Variants in UBE3D observed in about 807,000 individuals in gnomAD.
UBE3D encodes the protein E3 ubiquitin-protein ligase E3D.
A neutral mutation model predicts 49.6 loss-of-function variants in UBE3D; 48 were observed. The ratio of observed to expected loss-of-function variants is 0.97; its 90% CI spans 0.77 to 1.23. UBE3D has a LOEUF of 1.23. Ranked by LOEUF, UBE3D falls within the 50% of genes most tolerant of loss-of-function variation. The pLI is 0.00. For synonymous variants in UBE3D, 189 were observed against 174.2 expected, an observed-to-expected ratio of 1.08 and a Z score of -0.67; for missense variants, 452 against 468.4, an observed-to-expected ratio of 0.96 and a Z score of 0.32.
At chr6:82,931,969 G>T (rs1246297856) in intron 9 of UBE3D, among the ~76,000 whole-genome samples, 2 of 152,102 alleles carry the variant, frequency 1.3e-5, no homozygotes, top group African/African-American at 4.8e-5. Flanking sequence ...TCATGGGGGT[G>T]ATTACCCTCA....
intron 9 of UBE3D, among the ~76,000 whole-genome samples, chr6:82,912,716 GT>G (rs1321718564): frequency 6.6e-6 from 1 of 152,194 alleles, no homozygotes; most frequent in East Asian, 1.9e-4. Context: ...TGCAAAATTA[GT>G]TCATTTAAAC....
intron 9 of UBE3D, among the ~76,000 whole-genome samples, chr6:82,897,226 G>T (rs1337996970): frequency 6.6e-6 from 1 of 151,980 alleles, no homozygotes; most frequent in Non-Finnish European, 1.5e-5. Flanking sequence ...TCAAAGTTAT[G>T]ATCTGAAACA....
intron 1 of UBE3D, among the ~76,000 whole-genome samples, chr6:83,063,567 G>C (rs1408721307): frequency 6.6e-6 from 1 of 151,858 alleles, no homozygotes; most frequent in Middle Eastern, 3.2e-3. Context: ...ATCTGATTAT[G>C]GGCAAAAAAA....
chr6:82,904,095 G>A (rs1043218187), intron 9 of UBE3D, among the ~76,000 whole-genome samples: 6 of 152,152 alleles, frequency 3.9e-5, no homozygotes, highest in Non-Finnish European at 7.3e-5. Context: ...GCAGAAAGGT[G>A]AATTCTAATT....
intron 8 of UBE3D, among the ~76,000 whole-genome samples, chr6:83,014,065 T>C (rs1419324927): frequency 6.6e-6 from 1 of 152,264 alleles, no homozygotes; most frequent in Non-Finnish European, 1.5e-5. Flanking sequence ...AATCAATGAC[T>C]GCATACCAAG....
intron 2 of UBE3D, among the ~76,000 whole-genome samples, chr6:83,055,554 C>T (rs1441585647): frequency 6.6e-6 from 1 of 152,150 alleles, no homozygotes; most frequent in African/African-American, 2.4e-5. Flanking sequence ...AAACACTACC[C>T]TCTGCTGGCC....
chr6:83,030,561 G>A (rs999488694), intron 5 of UBE3D, among the ~76,000 whole-genome samples: 1 of 152,150 alleles, frequency 6.6e-6, no homozygotes, highest in African/African-American at 2.4e-5. Flanking sequence ...TCTCAGGTGT[G>A]TCTTTATTAG....
intron 9 of UBE3D, 37 bp from the exon 10 acceptor site, chr6:82,893,079 T>C: frequency 3.1e-6 from 5 of 1,612,082 alleles, no homozygotes; most frequent in Non-Finnish European, 4.2e-6. Context: ...GCTTTACTTC[T>C]ATAATATGAC....
chr6:82,942,666 T>C (rs1775098750), intron 9 of UBE3D, among the ~76,000 whole-genome samples: 1 of 152,210 alleles, frequency 6.6e-6, no homozygotes, highest in Non-Finnish European at 1.5e-5. Context: ...CCTGGTGGCT[T>C]ACATGTGGTA....
intron 9 of UBE3D, among the ~76,000 whole-genome samples, chr6:82,945,242 C>A (rs538032097): frequency 6.6e-6 from 1 of 152,074 alleles, no homozygotes; most frequent in Non-Finnish European, 1.5e-5. Context: ...CACCTCAGCC[C>A]CAGGTGGCTC....
chr6:83,015,147 T>C (rs1157883950), intron 8 of UBE3D, among the ~76,000 whole-genome samples: 1 of 152,166 alleles, frequency 6.6e-6, no homozygotes, highest in Non-Finnish European at 1.5e-5. Context: ...TTCCCACTGT[T>C]AGATCTGATA....
chr6:82,898,617 A>G (rs926739533), intron 9 of UBE3D, among the ~76,000 whole-genome samples: 9 of 151,846 alleles, frequency 5.9e-5, no homozygotes, highest in Non-Finnish European at 1.2e-4. Flanking sequence ...CATAAGTGGG[A>G]GCTGAACAAT....
chr6:82,882,416 A>T, the UBE3D span, among the ~76,000 whole-genome samples: 1 of 152,210 alleles, frequency 6.6e-6, no homozygotes, highest in East Asian at 1.9e-4. Context: ...TTTTGTGGAC[A>T]ATTGAATACT....
chr6:83,017,951 T>G (rs987676703), intron 8 of UBE3D: 1 of 151,996 alleles, frequency 6.6e-6, no homozygotes, highest in Non-Finnish European at 1.5e-5. Flanking sequence ...ATGGGCTTTT[T>G]TTAAGTGTAA....
intron 8 of UBE3D, among the ~76,000 whole-genome samples, chr6:82,990,877 T>C (rs1161498538): frequency 6.6e-6 from 1 of 152,114 alleles, no homozygotes; most frequent in Non-Finnish European, 1.5e-5. Context: ...GAACTTGGGG[T>C]CCTTTTTTCA....
downstream of UBE3D, among the ~76,000 whole-genome samples, chr6:82,888,205 T>C (rs1460507999): frequency 6.6e-6 from 1 of 151,894 alleles, no homozygotes; most frequent in African/African-American, 2.4e-5. Context: ...CCTGTTTTCC[T>C]TGAGTTTAGG....
chr6:82,970,381 A>G (rs1389084246), intron 8 of UBE3D, among the ~76,000 whole-genome samples: 3 of 152,102 alleles, frequency 2.0e-5, no homozygotes, highest in Admixed American at 2.0e-4. Context: ...AATAAAAAAA[A>G]TTTTAAATCA....
At chr6:83,048,881 A>C (rs990979685) in intron 3 of UBE3D, among the ~76,000 whole-genome samples, 1 of 152,192 alleles carries the variant, frequency 6.6e-6, no homozygotes, top group Admixed American at 6.5e-5. Flanking sequence ...AAAATAAAAT[A>C]CATACCATTT....
At chr6:82,955,925 T>G (rs1385574668) in intron 9 of UBE3D, among the ~76,000 whole-genome samples, 1 of 152,198 alleles carries the variant, frequency 6.6e-6, no homozygotes, top group Non-Finnish European at 1.5e-5. Flanking sequence ...GGATTGGAGT[T>G]GACCAATGGG....
Sources: allele counts gnomAD v4.1 joint callset (sites outside exome capture counted in the v4.1 genomes callset), GRCh38; gene constraint gnomAD v4.1.1; transcripts MANE v1.5; gene names NCBI Gene and HGNC (gene_info 2026-07-23, HGNC 2026-07-21).